The following PIK3C2G variants were observed in gnomAD, a reference collection of about 807,000 sequenced individuals.
PIK3C2G encodes the protein phosphatidylinositol 3-kinase C2 domain-containing subunit gamma.
In PIK3C2G, 168 loss-of-function variants were observed where a neutral mutation model predicts 181.1. The observed-to-expected ratio is 0.93, with a 90% confidence interval of 0.82 to 1.05. The LOEUF is 1.05. PIK3C2G is among the 50% of genes least tolerant of loss of function. The pLI is 0.00. For synonymous variants in PIK3C2G, 573 were observed against 592.2 expected, an observed-to-expected ratio of 0.97 and a Z score of 0.47; for missense variants, 1,869 against 1,732.8, an observed-to-expected ratio of 1.08 and a Z score of -1.40.
downstream of PIK3C2G, among the ~76,000 whole-genome samples, chr12:18,650,702 GTGTATA>G (rs1950443059): frequency 7.2e-5 from 2 of 27,694 alleles, no homozygotes; most frequent in African/African-American, 1.3e-4. Context: ...GTGTGTGTGT[GTGTATA>G]TATCTATATA....
At chr12:18,376,926 TG>T (rs762418780) in intron 13 of PIK3C2G, among the ~76,000 whole-genome samples, 15 of 152,348 alleles carry the variant, frequency 9.8e-5, no homozygotes, top group South Asian at 2.1e-4. Context: ...CCATGCTTTC[TG>T]TAAAGCCTGC....
chr12:18,697,151 T>C, the PIK3C2G span, among the ~76,000 whole-genome samples: 1 of 152,180 alleles, frequency 6.6e-6, no homozygotes, highest in Non-Finnish European at 1.5e-5. Flanking sequence ...CCATTCCTGC[T>C]GATATAGTGA....
chr12:18,683,480 A>G, the PIK3C2G span: 2 of 1,477,576 alleles, frequency 1.4e-6, no homozygotes, highest in Non-Finnish European at 1.8e-6. Context: ...TTCCACAAAA[A>G]TTAAATATTT....
At chr12:18,505,513 G>C (rs1409435513) in intron 24 of PIK3C2G, 52 bp downstream of exon 24, 7 of 1,319,492 alleles carry the variant, frequency 5.3e-6, no homozygotes, top group Admixed American at 2.2e-5. Context: ...TAAGCAATAT[G>C]TATAACATGT....
At chr12:18,669,161 T>C in the PIK3C2G span, among the ~76,000 whole-genome samples, 2 of 152,188 alleles carry the variant, frequency 1.3e-5, no homozygotes, top group African/African-American at 4.8e-5. Flanking sequence ...ATTCCTCTGA[T>C]GGGAAACTAA....
Position 18,496,058 on chromosome 12 carries a change from A to T in PIK3C2G, c.2794-4A>T, listed in dbSNP as rs1423242648. 2 of 1,464,618 alleles carry T rather than the reference A, an allele frequency of 1.4e-6. No individual in the cohort carries two copies. Among genetic ancestry groups the T allele is most frequent in the Admixed American group, 2.3e-5 (1 of 42,826 alleles). The allele number at this position is 1,464,618 out of a possible 1,614,324, so 90.7% of individuals were successfully genotyped here. On this transcript the variant is annotated splice_polypyrimidine_tract_variant and splice_region_variant and intron_variant, in intron 20 of 32. Coordinates refer to ENST00000538779, the MANE Select transcript of PIK3C2G (RefSeq NM_001288772.2). The stretch of plus-strand genomic sequence containing the variant: ...ACTAGTTTTCCCTTTTTCTTTTCCT[A>T]TAGGCATGTTCATATTTTACATCTA...
At chr12:18,351,674 G>A (rs1345437201) in intron 11 of PIK3C2G, among the ~76,000 whole-genome samples, 1 of 152,182 alleles carries the variant, frequency 6.6e-6, no homozygotes, top group Non-Finnish European at 1.5e-5. Flanking sequence ...AGATGCTGAA[G>A]CTCCTTACAT....
At chr12:18,704,821 A>C in the PIK3C2G span, among the ~76,000 whole-genome samples, 7 of 152,148 alleles carry the variant, frequency 4.6e-5, no homozygotes, top group African/African-American at 1.7e-4. Context: ...TTGGGTACTG[A>C]CTATTTATAG....
intron 24 of PIK3C2G, among the ~76,000 whole-genome samples, chr12:18,520,058 G>C (rs1416557775): frequency 6.7e-6 from 1 of 149,294 alleles, no homozygotes; most frequent in African/African-American, 2.5e-5. Context: ...CCTCTCTTCT[G>C]TCTTGTAGGG....
intron 1 of PIK3C2G, among the ~76,000 whole-genome samples, chr12:18,271,109 C>T (rs1948728711): frequency 6.6e-6 from 1 of 152,096 alleles, no homozygotes; most frequent in Non-Finnish European, 1.5e-5. Flanking sequence ...GAATAGGAGA[C>T]AGGCCCACCA....
chr12:18,451,523 G>A (rs973925076), intron 18 of PIK3C2G, among the ~76,000 whole-genome samples: 1 of 152,182 alleles, frequency 6.6e-6, no homozygotes, highest in African/African-American at 2.4e-5. Flanking sequence ...TCTGCAAACA[G>A]AGACAATTTG....
chr12:18,541,279 T>TC (rs1239373486), intron 25 of PIK3C2G, among the ~76,000 whole-genome samples: 1 of 151,910 alleles, frequency 6.6e-6, no homozygotes, highest in Non-Finnish European at 1.5e-5. Flanking sequence ...TCTCCAGATA[T>TC]CCATATTGCT....
At chr12:18,344,707 T>C (rs1939497815) in intron 10 of PIK3C2G, among the ~76,000 whole-genome samples, 1 of 152,172 alleles carries the variant, frequency 6.6e-6, no homozygotes, top group African/African-American at 2.4e-5. Flanking sequence ...TAGATTTTAA[T>C]TGAGTCTAAA....
At chr12:18,619,183 A>G (rs1450788734) in intron 31 of PIK3C2G, among the ~76,000 whole-genome samples, 1 of 151,950 alleles carries the variant, frequency 6.6e-6, no homozygotes, top group Admixed American at 6.6e-5. Context: ...AACATATGGT[A>G]TATGGAGGAA....
At chr12:18,449,415 A>G (rs1456522715) in intron 18 of PIK3C2G, among the ~76,000 whole-genome samples, 3 of 151,882 alleles carry the variant, frequency 2.0e-5, no homozygotes, top group Non-Finnish European at 4.4e-5. Flanking sequence ...TAAGCTCCAC[A>G]TGCATTAGGT....
chr12:18,617,683 A>G (rs1258691453), intron 31 of PIK3C2G, among the ~76,000 whole-genome samples: 1 of 152,092 alleles, frequency 6.6e-6, no homozygotes, highest in Non-Finnish European at 1.5e-5. Context: ...AGACTCTTCA[A>G]ATGTTTGCCT....
In PIK3C2G at chr12:18,538,160, C is replaced by T. The variant is rs201586034; in HGVS notation, c.3328C>T (p.Arg1110Ter). 5.8e-5 allele frequency: 94 copies of T among 1,610,614 alleles called. No individual in the cohort carries two copies. The highest frequency in any genetic ancestry group is 4.0e-4 in the South Asian group (36 of 90,502). The change falls in exon 25 of 33, where the codon CGA (arginine) becomes TGA (stop). Residue 1110 changes from arginine to a stop codon, truncating the protein, a stop_gained. Coordinates refer to ENST00000538779, the MANE Select transcript of PIK3C2G (RefSeq NM_001288772.2). LOFTEE classifies it high-confidence loss of function. ...AQTFGGIKRD[R>*]APFIFTSEME... ...GCTACTGTTTTTGGTTTACAGGGACCGAGCTCCTTTCATTTTTACTTCAGA... is the reference window on the plus strand; with the variant it reads ...GCTACTGTTTTTGGTTTACAGGGACTGAGCTCCTTTCATTTTTACTTCAGA...
chr12:18,420,572 G>A (rs1482583116), intron 16 of PIK3C2G, among the ~76,000 whole-genome samples: 1 of 152,126 alleles, frequency 6.6e-6, no homozygotes, highest in African/African-American at 2.4e-5. Context: ...CATATAATCA[G>A]ATTTCCAGTT....
At chr12:18,331,481 G>C (rs1017615273) in intron 8 of PIK3C2G, among the ~76,000 whole-genome samples, 1 of 151,918 alleles carries the variant, frequency 6.6e-6, no homozygotes, top group East Asian at 1.9e-4. Flanking sequence ...TAATACGTGG[G>C]AGTGGAACTC....
Sources: gnomAD v4.1 joint callset for allele counts (sites outside exome capture counted in the v4.1 genomes callset) on GRCh38, gnomAD v4.1.1 for gene constraint, MANE v1.5 for transcripts, NCBI Gene and HGNC (gene_info 2026-07-23, HGNC 2026-07-21) for gene names.